NPAS1: variants seen among roughly 807,000 people sequenced by gnomAD.
NPAS1 encodes neuronal PAS domain-containing protein 1.
NPAS1 carries 29 observed loss-of-function variants against 49.2 expected under a neutral mutation model. The observed-to-expected ratio is 0.59, with a 90% CI of 0.44 to 0.80. NPAS1 has a LOEUF of 0.80. Among genes scored for constraint, NPAS1 ranks in the 30% least tolerant of loss-of-function variants. NPAS1 has a pLI of 0.00. For synonymous variants in NPAS1, 408 were observed against 380.4 expected, an observed-to-expected ratio of 1.07 and a Z score of -0.84; for missense variants, 825 against 835.5, an observed-to-expected ratio of 0.99 and a Z score of 0.15.
rs2056952255 is a variant in NPAS1, at chr19:47,036,085, C to T, written c.644C>T (p.Ser215Phe). The T allele has an allele frequency of 6.3e-7, 1 of 1,585,904 alleles. No individual in the cohort carries two copies. The highest frequency in any genetic ancestry group is 8.6e-7 in the Non-Finnish European group (1 of 1,166,342). Residue 215 changes from serine to phenylalanine, a missense_variant, in exon 6 of 12, where the codon TCT (serine) becomes TTT (phenylalanine). Physicochemically the swap from Ser to Phe is radical, Grantham distance 155 (BLOSUM62 -2). Transcript: ENST00000602212. ...CCCCCAACCCCGCCCTCCGTCTCCTCTTCCTCCTCCTCTTCCTCTTCGCTT... is the reference window on the plus strand; with the variant it reads ...CCCCCAACCCCGCCCTCCGTCTCCTTTTCCTCCTCCTCTTCCTCTTCGCTT... ...PGPPTPPSVSSSSSSSSSLAD... is the reference protein window; with the variant it reads ...PGPPTPPSVSFSSSSSSSLAD...
At chr19:47,043,654 G>A (rs945246798) in intron 11 of NPAS1, among the ~76,000 whole-genome samples, 1 of 152,176 alleles carries the variant, frequency 6.6e-6, no homozygotes, top group African/African-American at 2.4e-5. Flanking sequence ...CTACTCAGGA[G>A]GCTGAGGCAG....
chr19:47,043,141 C>A (rs1175306046), intron 11 of NPAS1, among the ~76,000 whole-genome samples: 3 of 151,814 alleles, frequency 2.0e-5, no homozygotes, highest in African/African-American at 7.3e-5. Flanking sequence ...ACTAAAAATA[C>A]AAAAATTAGC....
chr19:47,021,565 C>G lies in NPAS1; in HGVS notation c.123-47C>G. 7.5e-7 allele frequency: 1 copy of G among 1,339,834 alleles called. No individual in the cohort carries two copies. Among genetic ancestry groups the G allele is most frequent in the South Asian group, 1.5e-5 (1 of 65,236 alleles). 83.0% of individuals were successfully genotyped at this position (1,339,834 alleles called of 1,614,324 possible). A position where few individuals can be genotyped will look rare whatever the true frequency, so the allele number is the denominator to read the frequency against. ...GGGCTCGCCCCCAGTTCCCAAGCCC[C>G]TGAGCCCCGGGGCCCCGCCGACACC... On this transcript the variant is annotated intron_variant, in intron 2 of 11. Transcript: ENST00000602212. This position sits in a 1 kb window ranked among gnomAD's most constrained non-coding sequence, Gnocchi z 5.7.
At position 47,019,881 on chromosome 19, in the gene NPAS1, C is replaced by T. The variant is rs1327430728; in HGVS notation, c.-159C>T. 1.1e-5 allele frequency: 4 copies of T among 350,582 alleles called. No homozygotes were observed. The highest frequency in any genetic ancestry group is 2.0e-5 in the Non-Finnish European group (4 of 195,350). The allele number at this position is 350,582 out of a possible 1,614,324, so 21.7% of individuals were successfully genotyped here. ...GCTGGGCGCCACAGCCCGCGCGTCC[C>T]GCTGCGCCCCGCGCGCCCCGGGGTC... On this transcript the variant is annotated 5_prime_UTR_variant, in exon 1 of 12. Transcript: ENST00000602212.
At chr19:47,032,896 A>G (rs1476174425) in intron 5 of NPAS1, among the ~76,000 whole-genome samples, 164 bp downstream of exon 5, 2 of 152,118 alleles carry the variant, frequency 1.3e-5, no homozygotes, top group Non-Finnish European at 2.9e-5. Flanking sequence ...GGCACCCAGC[A>G]TGGTTCATCC....
In NPAS1 at chr19:47,045,178, C is replaced by A; in HGVS notation, c.1313-13C>A. The A allele has an allele frequency of 6.2e-7, 1 of 1,611,628 alleles. No individual in the cohort carries two copies. The highest frequency in any genetic ancestry group is 8.5e-7 in the Non-Finnish European group (1 of 1,179,186). On this transcript the variant is annotated splice_polypyrimidine_tract_variant and intron_variant, in intron 11 of 11. Transcript: ENST00000602212. ...GGGGACACACACAGGCCCTCAGCAT[C>A]TTCCTCTTCCAGAGCCGGAGCCTCC... is the stretch of plus-strand genomic sequence containing the variant.
rs2056838024 is a variant in NPAS1 at position 47,021,184 on chromosome 19, G to A, written c.122+15G>A. 2.0e-6 allele frequency: 3 copies of A among 1,511,858 alleles called. No individual in the cohort carries two copies. Among genetic ancestry groups the A allele is most frequent in the African/African-American group, 1.4e-5 (1 of 69,372 alleles). 93.7% of individuals were successfully genotyped at this position (1,511,858 alleles called of 1,614,324 possible). A position where few individuals can be genotyped will look rare whatever the true frequency, so the allele number is the denominator to read the frequency against. On this transcript the variant is annotated intron_variant, in intron 2 of 11. Transcript: ENST00000602212. The surrounding 1 kb of genome is among the most constrained non-coding windows in gnomAD (Gnocchi z 5.7). Reference sequence around the variant, plus strand: ...TCCGGACCGTGGTGAGCAAAGCCCCGCCCCCCTGGCCGCGGGCCCCCCCCC... The same window carrying A: ...TCCGGACCGTGGTGAGCAAAGCCCCACCCCCCTGGCCGCGGGCCCCCCCCC...
rs2056844808 is a variant in NPAS1 at position 47,021,884 on chromosome 19, C to T, written c.358+37C>T. ...TGCGCGGGGCGAGGGTCCCGGGGCC[C>T]TCCAGGCGGAGTCACTGCAGCCCAG... On this transcript the variant is annotated intron_variant, in intron 3 of 11. Coordinates refer to ENST00000602212, the MANE Select transcript of NPAS1 (RefSeq NM_002517.4). This position sits in a 1 kb window ranked among gnomAD's most constrained non-coding sequence, Gnocchi z 5.7. 7.5e-7 allele frequency: 1 copy of T among 1,332,672 alleles called. No individual in the cohort carries two copies. The highest frequency in any genetic ancestry group is 9.8e-7 in the Non-Finnish European group (1 of 1,023,252). The allele number at this position is 1,332,672 out of a possible 1,614,324, so 82.6% of individuals were successfully genotyped here. A position where few individuals can be genotyped will look rare whatever the true frequency, so the allele number is the denominator to read the frequency against.
Position 47,021,861 on chromosome 19 carries a change from C to A in NPAS1, c.358+14C>A, listed in dbSNP as rs995304978. The A allele has an allele frequency of 1.0e-5, 15 of 1,432,128 alleles. No individual in the cohort carries two copies. The highest frequency in any genetic ancestry group is 1.5e-5 in the African/African-American group (1 of 66,886). 88.7% of individuals were successfully genotyped at this position (1,432,128 alleles called of 1,614,324 possible). ...CAGCTGGCCTCGGTGAGTGCTCATGCGCGGGGCGAGGGTCCCGGGGCCCTC... is the reference window on the plus strand; with the variant it reads ...CAGCTGGCCTCGGTGAGTGCTCATGAGCGGGGCGAGGGTCCCGGGGCCCTC... On this transcript the variant is annotated intron_variant, in intron 3 of 11. Coordinates refer to ENST00000602212, the MANE Select transcript of NPAS1 (RefSeq NM_002517.4). The surrounding 1 kb of genome is among the most constrained non-coding windows in gnomAD (Gnocchi z 5.7).
chr19:47,023,279 G>C (rs907407134), intron 3 of NPAS1, among the ~76,000 whole-genome samples: 2 of 152,144 alleles, frequency 1.3e-5, no homozygotes, highest in African/African-American at 2.4e-5. Context: ...GGGGGAAAGG[G>C]GGGGCTAAGA....
chr19:47,039,054 T>G lies in NPAS1; in HGVS notation c.707T>G (p.Val236Gly). 6.2e-7 allele frequency: 1 copy of G among 1,614,056 alleles called. No individual in the cohort carries two copies. The change falls in exon 7 of 12, where the codon GTG becomes GGG. Residue 236 changes from valine to glycine, a missense_variant. Physicochemically the swap from Val to Gly is moderately radical, Grantham distance 109. Transcript: ENST00000602212. ...GTCCCAGAGGCCAGCCTCACCAAGG[T>G]GCCCCCCTCCTCCCTGGTCCAGGAG... ...TPEIEASLTK[V>G]PPSSLVQERS...
At chr19:47,032,101 C>T (rs1170759581) in intron 3 of NPAS1, among the ~76,000 whole-genome samples, 177 bp from the exon 4 acceptor site, 2 of 152,170 alleles carry the variant, frequency 1.3e-5, no homozygotes, top group African/African-American at 2.4e-5. Context: ...CTGTCACTCA[C>T]TGTCCCACCC....
Position 47,045,221 on chromosome 19 carries a change from C to A in NPAS1, c.1343C>A (p.Ala448Asp). ...EPEPPTEGKQAAPAENEAPQT... is the reference protein window; with the variant it reads ...EPEPPTEGKQDAPAENEAPQT... ...GAGCCTCCGACGGAAGGGAAGCAGGCTGCCCCAGCGGAGAACGAGGCCCCC... is the reference window on the plus strand; with the variant it reads ...GAGCCTCCGACGGAAGGGAAGCAGGATGCCCCAGCGGAGAACGAGGCCCCC... Residue 448 changes from alanine (A) to aspartate (D), a missense_variant, in exon 12 of 12, where the codon GCT becomes GAT. Coordinates refer to ENST00000602212, the MANE Select transcript of NPAS1 (RefSeq NM_002517.4). The A allele has an allele frequency of 1.2e-6, 2 of 1,613,826 alleles. No homozygotes were observed. The highest frequency in any genetic ancestry group is 1.7e-6 in the Non-Finnish European group (2 of 1,179,954).
chr19:47,035,896 C>G, intron 5 of NPAS1, 68 bp from the exon 6 acceptor site: 1 of 1,441,916 alleles, frequency 6.9e-7, no homozygotes, highest in Non-Finnish European at 9.2e-7. Context: ...AAGGCTGAGC[C>G]CAGAGGGCGA....
rs1568501517 is a variant in NPAS1, at chr19:47,027,518, GCCCCTGTTCTCCCT to G, written c.359-4759_359-4746del. Among the ~76,000 whole-genome samples the G allele has an allele frequency of 9.4e-4, 38 of 40,212 alleles. 10 individuals carry two copies. The highest frequency in any genetic ancestry group is 4.4e-3 in the African/African-American group (34 of 7,714). The allele number at this position is 40,212 out of a possible 152,430, so 26.4% of individuals were successfully genotyped here. A position where few individuals can be genotyped will look rare whatever the true frequency, so the allele number is the denominator to read the frequency against. On this transcript the variant is annotated intron_variant, in intron 3 of 11. Coordinates refer to ENST00000602212, the MANE Select transcript of NPAS1 (RefSeq NM_002517.4). ...TCTGCCCCTGGTCTCCCATCTCTCT[GCCCCTGTTCTCCCT>G]TCTCTCTGCCCCTGGTCTCCTGTCT...
chr19:47,033,163 C>T (rs2056919844), intron 5 of NPAS1, among the ~76,000 whole-genome samples: 1 of 151,934 alleles, frequency 6.6e-6, no homozygotes. Context: ...GTTGAGATCT[C>T]CTGACCTCGT....
At position 47,021,595 on chromosome 19, in the gene NPAS1, C is replaced by G; in HGVS notation, c.123-17C>G. 6.9e-7 allele frequency: 1 copy of G among 1,458,486 alleles called. No homozygotes were observed. Among genetic ancestry groups the G allele is most frequent in the Non-Finnish European group, 9.0e-7 (1 of 1,105,688 alleles). The allele number at this position is 1,458,486 out of a possible 1,614,324, so 90.3% of individuals were successfully genotyped here. On this transcript the variant is annotated splice_polypyrimidine_tract_variant and intron_variant, in intron 2 of 11. Coordinates refer to ENST00000602212, the MANE Select transcript of NPAS1 (RefSeq NM_002517.4). The surrounding 1 kb of genome is among the most constrained non-coding windows in gnomAD (Gnocchi z 5.7). ...CCCCGGGGCCCCGCCGACACCTCCT[C>G]CGCGCCGCCCGCCCAGCCTGCAGGC...
intron 5 of NPAS1, 119 bp from the exon 6 acceptor site, chr19:47,035,842 AAAC>A: frequency 2.0e-6 from 2 of 1,007,044 alleles, no homozygotes; most frequent in Non-Finnish European, 2.8e-6. Flanking sequence ...TTTCTTAAAA[AAAC>A]ACACTGGCAT....
intron 9 of NPAS1, 170 bp downstream of exon 9, chr19:47,040,720 T>A: frequency 1.7e-6 from 1 of 592,540 alleles, no homozygotes; most frequent in Non-Finnish European, 3.0e-6. Context: ...GACTGAGTGA[T>A]GCCTCAGGAT....
Sources: gnomAD v4.1 joint callset for allele counts (sites outside exome capture counted in the v4.1 genomes callset) on GRCh38, gnomAD v4.1.1 for gene constraint, Gnocchi (gnomAD v3.1) non-coding constraint, MANE v1.5 for transcripts, NCBI Gene and HGNC (gene_info 2026-07-23, HGNC 2026-07-21) for gene names.